GRIFIN: variants seen among roughly 807,000 people sequenced by gnomAD.
GRIFIN encodes the protein putative grifin.
Under a neutral mutation model 18.2 loss-of-function variants are expected in GRIFIN, and 22 were observed. The ratio of observed to expected loss-of-function variants is 1.21; its 90% CI spans 0.86 to 1.73. The LOEUF is 1.73. Among genes scored for constraint, GRIFIN ranks in the 40% most tolerant of loss-of-function variants. The pLI, the probability that GRIFIN is intolerant of heterozygous loss-of-function variation, is 0.00. For missense variants in GRIFIN, 200 were observed against 190.1 expected (o/e 1.05, Z -0.31); for synonymous variants, 101 against 82.8 (o/e 1.22, Z -1.19).
In GRIFIN at chr7:2,475,983, G is replaced by A. The variant is rs558543539; in HGVS notation, c.29C>T (p.Ala10Val). Residue 10 changes from alanine to valine, a missense_variant, in exon 2 of 5, where the codon GCG (alanine) becomes GTG (valine). Physicochemically the swap from Ala to Val is moderately conservative, Grantham distance 64 (BLOSUM62 0). Transcript: ENST00000614228. Reference sequence around the variant, plus strand: ...CTTCCAGCCGGGGGCCAGGCCGCCCGCACAGAAGGCTTTAGACTGAGTGGA... The same window carrying A: ...CTTCCAGCCGGGGGCCAGGCCGCCCACACAGAAGGCTTTAGACTGAGTGGA... Reference protein sequence around the residue: MAVQSKAFCAGGLAPGWKLL... With the variant: MAVQSKAFCVGGLAPGWKLL... 6.4e-5 allele frequency: 103 copies of A among 1,597,912 alleles called. No individual in the cohort carries two copies. The highest frequency in any genetic ancestry group is 4.9e-4 in the African/African-American group (37 of 74,972).
In GRIFIN at chr7:2,475,661, C is replaced by T. The variant is rs556076895; in HGVS notation, c.252+8G>A. 58 of 1,485,974 alleles carry T rather than the reference C, an allele frequency of 3.9e-5. 1 individual carries two copies. In the South Asian group the frequency reaches 7.3e-4, roughly 19 times the overall value. The allele number at this position is 1,485,974 out of a possible 1,614,324, so 92.0% of individuals were successfully genotyped here. A position where few individuals can be genotyped will look rare whatever the true frequency, so the allele number is the denominator to read the frequency against. The stretch of plus-strand genomic sequence containing the variant: ...GCCTAGCCCAGGCCCCACCCAGGCC[C>T]CTGTCACCTCAAAGGGCTCCCCCGG... On this transcript the variant is annotated splice_region_variant and intron_variant, in intron 3 of 4. Transcript: ENST00000614228.
Position 2,476,370 on chromosome 7 carries a change from A to AC in GRIFIN, c.12+1dup, listed in dbSNP as rs1562535808. 1.3e-6 allele frequency: 2 copies of AC among 1,565,366 alleles called. No homozygotes were observed. The highest frequency in any genetic ancestry group is 1.7e-6 in the Non-Finnish European group (2 of 1,165,268). On this transcript the variant is annotated splice_donor_variant, in intron 1 of 4. Coordinates refer to ENST00000614228, the MANE Select transcript of GRIFIN (RefSeq NM_001394787.1). LOFTEE classifies it high-confidence loss of function. ...CTTCTCCAGGTCCAGGGTCTCACCC[A>AC]CCTGCACTGCCATCTGCTCCCAGCC...
chr7:2,475,389 C>A, intron 3 of GRIFIN, 82 bp from the exon 4 acceptor site: 1 of 1,471,206 alleles, frequency 6.8e-7, no homozygotes, highest in Non-Finnish European at 9.1e-7. Flanking sequence ...GATGTGCCTG[C>A]CGGCCGTCTC....
At chr7:2,475,033 C>T in intron 4 of GRIFIN, 108 bp downstream of exon 4, 1 of 1,330,794 alleles carries the variant, frequency 7.5e-7, no homozygotes, top group Non-Finnish European at 1.0e-6. Flanking sequence ...ACAACCCCTC[C>T]CCAGGCGGAG....
chr7:2,475,514 TG>T, intron 3 of GRIFIN, 154 bp downstream of exon 3: 1 of 1,166,548 alleles, frequency 8.6e-7, no homozygotes, highest in Non-Finnish European at 1.2e-6. Flanking sequence ...GGGTACCTAC[TG>T]CACACGTAGG....
chr7:2,475,424 C>T (rs538912179), intron 3 of GRIFIN, 117 bp from the exon 4 acceptor site: 19 of 1,363,240 alleles, frequency 1.4e-5, no homozygotes, highest in Middle Eastern at 2.2e-4. Flanking sequence ...TGGCAGGCCC[C>T]GGGGGTCCCT....
intron 3 of GRIFIN, 167 bp downstream of exon 3, chr7:2,475,502 G>A: frequency 1.7e-6 from 2 of 1,164,440 alleles, no homozygotes; most frequent in South Asian, 3.2e-5. Flanking sequence ...AGCCAGGGTG[G>A]TGGGTACCTA....
chr7:2,475,363 T>TCCCG, intron 3 of GRIFIN, 56 bp from the exon 4 acceptor site: 1 of 1,530,842 alleles, frequency 6.5e-7, no homozygotes, highest in Non-Finnish European at 8.8e-7. Flanking sequence ...TGGGGTCTGG[T>TCCCG]CCCGCTTTTA....
intron 3 of GRIFIN, 87 bp from the exon 4 acceptor site, chr7:2,475,394 C>G (rs1045749247): frequency 6.8e-7 from 1 of 1,465,938 alleles, no homozygotes; most frequent in Non-Finnish European, 9.1e-7. Flanking sequence ...GCCTGCCGGC[C>G]GTCTCCAGGA....
chr7:2,476,295 G>A, intron 1 of GRIFIN, 77 bp downstream of exon 1: 2 of 1,473,732 alleles, frequency 1.4e-6, no homozygotes, highest in Middle Eastern at 2.0e-4. Flanking sequence ...CCATCTCTGT[G>A]CAGAGAGAGC....
At position 2,474,963 on chromosome 7, in the gene GRIFIN, G is replaced by C. The variant is rs996996447; in HGVS notation, c.420-78C>G. 8.6e-6 allele frequency: 6 copies of C among 697,926 alleles called. No homozygotes were observed. In the African/African-American group the frequency reaches 1.1e-4, roughly 13 times the overall value. 43.2% of individuals were successfully genotyped at this position (697,926 alleles called of 1,614,324 possible). A position where few individuals can be genotyped will look rare whatever the true frequency, so the allele number is the denominator to read the frequency against. On this transcript the variant is annotated intron_variant, in intron 4 of 4. Transcript: ENST00000614228. ...AGGGTGGGAGGTGGACCATGGCCCT[G>C]CTCCCGTGGCCGGATATGCAGGGCT...
At chr7:2,476,298 G>A in intron 1 of GRIFIN, 74 bp downstream of exon 1, 1 of 1,493,318 alleles carries the variant, frequency 6.7e-7, no homozygotes, top group Admixed American at 2.0e-5. Context: ...TCTCTGTGCA[G>A]AGAGAGCACG....
rs1402119192 is a variant in GRIFIN, at chr7:2,475,766, G to C, written c.155C>G (p.Ser52Cys). Residue 52 changes from serine (S) to cysteine (C), a missense_variant, in exon 3 of 5, where the codon TCC becomes TGC. Physicochemically the swap from Ser to Cys is moderately radical, Grantham distance 112. Coordinates refer to ENST00000614228, the MANE Select transcript of GRIFIN (RefSeq NM_001394787.1). ...DIAFHIKPRF[S>C]SATVVGNAFQ... ...GGCATTGCCCACCACAGTGGCGCTG[G>C]AGAACCGGGGCTTGATGTGGAAGGC... 1 of 1,571,174 alleles carries C rather than the reference G, an allele frequency of 6.4e-7. No homozygotes were observed.
chr7:2,475,028 C>G lies in GRIFIN; in HGVS notation c.419+113G>C. 2.3e-6 allele frequency: 3 copies of G among 1,286,210 alleles called. No homozygotes were observed. The South Asian group carries it at 4.3e-5, about 18-fold the overall frequency. 79.7% of individuals were successfully genotyped at this position (1,286,210 alleles called of 1,614,324 possible). A position where few individuals can be genotyped will look rare whatever the true frequency, so the allele number is the denominator to read the frequency against. On this transcript the variant is annotated intron_variant, in intron 4 of 4. Coordinates refer to ENST00000614228, the MANE Select transcript of GRIFIN (RefSeq NM_001394787.1). ...CAGGGTGGGACGCCAGGCAGACAAC[C>G]CCTCCCCAGGCGGAGGAGGGTCCCC...
intron 1 of GRIFIN, 69 bp from the exon 2 acceptor site, chr7:2,476,068 C>A (rs1195696349): frequency 7.6e-7 from 1 of 1,309,552 alleles, no homozygotes; most frequent in African/African-American, 1.5e-5. Flanking sequence ...CCCACCCCCA[C>A]CCTATCCCAT....
In GRIFIN at chr7:2,474,790, A is replaced by G; in HGVS notation, c.*80T>C. Reference sequence around the variant, plus strand: ...AGCACACAGGACCACAGACCCCCTCACCCAGCTGCCCCAGGGTGGGACTCC... The same window carrying G: ...AGCACACAGGACCACAGACCCCCTCGCCCAGCTGCCCCAGGGTGGGACTCC... On this transcript the variant is annotated 3_prime_UTR_variant, in exon 5 of 5. Coordinates refer to ENST00000614228, the MANE Select transcript of GRIFIN (RefSeq NM_001394787.1). 1 of 462,128 alleles carries G rather than the reference A, an allele frequency of 2.2e-6. No homozygotes were observed. Among genetic ancestry groups the G allele is most frequent in the Non-Finnish European group, 3.8e-6 (1 of 261,086 alleles). The allele number at this position is 462,128 out of a possible 1,614,324, so 28.6% of individuals were successfully genotyped here.
chr7:2,475,546 C>CT lies in GRIFIN; in HGVS notation c.252+122_252+123insA, dbSNP rs397819996. The CT allele has an allele frequency of 6.7e-5, 90 of 1,334,732 alleles. 1 individual carries two copies. The East Asian group carries it at 2.1e-3, about 31-fold the overall frequency. The allele number at this position is 1,334,732 out of a possible 1,614,324, so 82.7% of individuals were successfully genotyped here. A position where few individuals can be genotyped will look rare whatever the true frequency, so the allele number is the denominator to read the frequency against. ...GTAGGGAAACTGAGGCCAGGGAGGCCACCCAGACCTTGCCCTGGCCCACTG... is the reference window on the plus strand; with the variant it reads ...GTAGGGAAACTGAGGCCAGGGAGGCCTACCCAGACCTTGCCCTGGCCCACTG... On this transcript the variant is annotated intron_variant, in intron 3 of 4. Coordinates refer to ENST00000614228, the MANE Select transcript of GRIFIN (RefSeq NM_001394787.1).
At chr7:2,475,576 G>A in intron 3 of GRIFIN, 93 bp downstream of exon 3, 2 of 1,414,476 alleles carry the variant, frequency 1.4e-6, no homozygotes, top group Non-Finnish European at 1.8e-6. Flanking sequence ...CCACTGACCT[G>A]TAAGCGTCCA....
Position 2,475,971 on chromosome 7 carries a change from G to A in GRIFIN, c.41C>T (p.Ala14Val), listed in dbSNP as rs570714955. The A allele has an allele frequency of 3.1e-6, 5 of 1,598,202 alleles. No individual in the cohort carries two copies. Among genetic ancestry groups the A allele is most frequent in the Non-Finnish European group, 4.2e-6 (5 of 1,179,662 alleles). The change falls in exon 2 of 5, where the codon GCC becomes GTC. Residue 14 changes from alanine (A) to valine (V), a missense_variant. By Grantham distance (64) the Ala-to-Val change is moderately conservative. Transcript: ENST00000614228. ...QSKAFCAGGL[A>V]PGWKLLVQGH... The stretch of plus-strand genomic sequence containing the variant: ...CTGGACCAGCAGCTTCCAGCCGGGG[G>A]CCAGGCCGCCCGCACAGAAGGCTTT...
Sources: gnomAD v4.1 joint callset for allele counts on GRCh38, gnomAD v4.1.1 for gene constraint, MANE v1.5 for transcripts, NCBI Gene and HGNC (gene_info 2026-07-23, HGNC 2026-07-21) for gene names.